FRS2: variants seen among roughly 807,000 people sequenced by gnomAD.
FRS2 encodes the protein fibroblast growth factor receptor substrate 2.
In FRS2, 8 loss-of-function variants were observed where a neutral mutation model predicts 43.9. The observed-to-expected ratio is 0.18, with a 90% CI of 0.11 to 0.33. FRS2 has a LOEUF of 0.33. Among genes scored for constraint, FRS2 ranks in the 10% least tolerant of loss-of-function variants. FRS2 has a pLI of 1.00. For synonymous variants in FRS2, 219 were observed against 220.3 expected (o/e 0.99, Z 0.05); for missense variants, 534 against 627.6 (o/e 0.85, Z 1.59).
intron 3 of FRS2, among the ~76,000 whole-genome samples, chr12:69,533,602 G>T (rs1444204444): frequency 6.6e-6 from 1 of 152,112 alleles, no homozygotes. Context: ...GCCTGCCTTG[G>T]CCTCCCAAAG....
intron 1 of FRS2, among the ~76,000 whole-genome samples, chr12:69,474,170 G>A (rs1173983324): frequency 6.6e-6 from 1 of 152,176 alleles, no homozygotes; most frequent in Non-Finnish European, 1.5e-5. Context: ...TGTCGGAGAT[G>A]TTGACGGTGG....
At position 69,574,378 on chromosome 12, in the gene FRS2, C is replaced by T; in HGVS notation, c.950C>T (p.Ala317Val). Residue 317 changes from alanine to valine, a missense_variant, in exon 9 of 9, where the codon GCC (alanine) becomes GTC (valine). By Grantham distance (64) the Ala-to-Val change is moderately conservative. Around this residue, in one of 3 missense-constraint regions of FRS2, gnomAD observed 446 missense variants for 494.2 expected, o/e 0.90. Transcript: ENST00000549921. The part of the protein sequence containing the change: ...ENINGLSIPS[A>V]SGVRRGRLTS... ...ATAAATGGGCTATCTATCCCTAGTG[C>T]CTCAGGGGTCAGGAGAGGTCGTCTG... 1 of 1,613,728 alleles carries T rather than the reference C, an allele frequency of 6.2e-7. No individual in the cohort carries two copies. Among genetic ancestry groups the T allele is most frequent in the Non-Finnish European group, 8.5e-7 (1 of 1,179,624 alleles).
intron 3 of FRS2, among the ~76,000 whole-genome samples, chr12:69,533,641 G>A (rs1055938779): frequency 8.5e-5 from 13 of 152,128 alleles, no homozygotes; most frequent in East Asian, 3.9e-4. Context: ...GAGCCACCAC[G>A]CCTGGCCATA....
intron 1 of FRS2, among the ~76,000 whole-genome samples, chr12:69,478,722 TTATG>T (rs1409236188): frequency 2.6e-4 from 26 of 99,908 alleles, no homozygotes; most frequent in South Asian, 4.2e-4. Flanking sequence ...ACATACATCA[TTATG>T]TGTGTGTGTG....
At chr12:69,565,992 A>G (rs1443948835) in intron 4 of FRS2, among the ~76,000 whole-genome samples, 1 of 145,912 alleles carries the variant, frequency 6.9e-6, no homozygotes, top group African/African-American at 2.6e-5. Flanking sequence ...GTTTTTTTTT[A>G]TACCAGCATT....
chr12:69,552,598 G>A (rs78087795), intron 3 of FRS2, among the ~76,000 whole-genome samples: 3,680 of 152,182 alleles, frequency 0.024, 152 homozygotes, highest in African/African-American at 0.083. Flanking sequence ...AGTTCATTAA[G>A]TTAATCCTAG....
chr12:69,570,538 C>G (rs750626746), intron 6 of FRS2, 21 bp downstream of exon 6: 3 of 1,436,584 alleles, frequency 2.1e-6, no homozygotes, highest in Non-Finnish European at 2.9e-6. Flanking sequence ...TGTTTTTTTT[C>G]CCAAATATTG....
At chr12:69,487,106 G>T (rs558082046) in intron 1 of FRS2, among the ~76,000 whole-genome samples, 12 of 152,308 alleles carry the variant, frequency 7.9e-5, no homozygotes, top group Admixed American at 7.2e-4. Context: ...CAAACTCCTG[G>T]CCTCGCCTCC....
chr12:69,569,757 C>T (rs1220770149), intron 5 of FRS2, among the ~76,000 whole-genome samples: 1 of 152,222 alleles, frequency 6.6e-6, no homozygotes, highest in Non-Finnish European at 1.5e-5. Flanking sequence ...TCTTTTCCTA[C>T]TCCCAGGGGA....
At chr12:69,484,323 A>G (rs1286207691) in intron 1 of FRS2, among the ~76,000 whole-genome samples, 3 of 152,044 alleles carry the variant, frequency 2.0e-5, no homozygotes, top group Admixed American at 6.5e-5. Context: ...TGACCTTGTG[A>G]TCTGCCCGCT....
At position 69,538,197 on chromosome 12, in the gene FRS2, T is replaced by TTATATATATATA. The variant is rs151295024; in HGVS notation, c.-122+6156_-122+6167dup. On this transcript the variant is annotated intron_variant, in intron 3 of 8. Transcript: ENST00000549921. ...AATAATAAAATTAAAAAAACAAATT[T>TTATATATATATA]TATATATATATATATATATATATAT... 7.8e-3 allele frequency among the ~76,000 whole-genome samples: 636 copies of TTATATATATATA among 81,448 alleles called. 19 individuals carry two copies. The highest frequency in any genetic ancestry group is 0.015 in the African/African-American group (265 of 18,106). The allele number at this position is 81,448 out of a possible 152,430, so 53.4% of individuals were successfully genotyped here.
At chr12:69,505,001 TTTGTA>T (rs1023781918) in intron 1 of FRS2, among the ~76,000 whole-genome samples, 1 of 152,058 alleles carries the variant, frequency 6.6e-6, no homozygotes, top group Admixed American at 6.5e-5. Flanking sequence ...GCTGGGCTAA[TTTGTA>T]TTGTATTGTA....
rs1043111926 is a variant in FRS2, at chr12:69,575,279, A to G, written c.*324A>G. 1.2e-5 allele frequency: 3 copies of G among 255,110 alleles called. No individual in the cohort carries two copies. Among genetic ancestry groups the G allele is most frequent in the Non-Finnish European group, 2.2e-5 (3 of 134,074 alleles). The allele number at this position is 255,110 out of a possible 1,614,324, so 15.8% of individuals were successfully genotyped here. A position where few individuals can be genotyped will look rare whatever the true frequency, so the allele number is the denominator to read the frequency against. ...AACGCATACCTTTCATGTCTAAGTC[A>G]TGGTTGGCTTTTAAAACTTTTTATA... On this transcript the variant is annotated 3_prime_UTR_variant, in exon 9 of 9. Transcript: ENST00000549921.
At chr12:69,497,594 T>TTAACATAAAATTTTAGGGGGAGG (rs1873024025) in intron 1 of FRS2, among the ~76,000 whole-genome samples, 1 of 152,198 alleles carries the variant, frequency 6.6e-6, no homozygotes, top group Non-Finnish European at 1.5e-5. Context: ...GTACTAGGTT[T>TTAACATAAAATTTTAGGGGGAGG]TAACATAAAA....
intron 1 of FRS2, among the ~76,000 whole-genome samples, chr12:69,521,831 G>A (rs1200355107): frequency 2.6e-5 from 4 of 152,096 alleles, no homozygotes. Context: ...AGCCAGGATG[G>A]TCTCGATCTC....
rs1881259566 is a variant in FRS2, at chr12:69,577,341, T to C, written c.*2386T>C. 1 of 152,190 alleles carries C rather than the reference T, an allele frequency of 6.6e-6. No homozygotes were observed. The highest frequency in any genetic ancestry group is 1.5e-5 in the Non-Finnish European group (1 of 68,016). 9.4% of individuals were successfully genotyped at this position (152,190 alleles called of 1,614,324 possible). ...TTTCTAGAAATCACTTGTGTTCCTA[T>C]TTAATAAAAGGTAATTTAGAATACT... On this transcript the variant is annotated 3_prime_UTR_variant, in exon 9 of 9. Coordinates refer to ENST00000549921, the MANE Select transcript of FRS2 (RefSeq NM_001278356.2).
intron 3 of FRS2, among the ~76,000 whole-genome samples, chr12:69,559,120 G>A (rs989404575): frequency 2.0e-5 from 3 of 152,152 alleles, no homozygotes; most frequent in Non-Finnish European, 2.9e-5. Flanking sequence ...AGACCAGCCC[G>A]GGCAACATAG....
At chr12:69,564,936 C>G (rs1880163384) in intron 4 of FRS2, among the ~76,000 whole-genome samples, 1 of 152,172 alleles carries the variant, frequency 6.6e-6, no homozygotes, top group African/African-American at 2.4e-5. Context: ...CTCAAACATT[C>G]AGTGTGGATA....
At position 69,577,424 on chromosome 12, in the gene FRS2, C is replaced by G. The variant is rs1006526101; in HGVS notation, c.*2469C>G. 1 of 152,048 alleles carries G rather than the reference C, an allele frequency of 6.6e-6. No homozygotes were observed. Among genetic ancestry groups the G allele is most frequent in the African/African-American group, 2.4e-5 (1 of 41,400 alleles). The allele number at this position is 152,048 out of a possible 1,614,324, so 9.4% of individuals were successfully genotyped here. On this transcript the variant is annotated 3_prime_UTR_variant, in exon 9 of 9. Transcript: ENST00000549921. ...TTAAGCTGTGTCCTCGAAGGATGTA[C>G]CTATTACTAGGTGCATTTTAGAATG...
Sources: gnomAD v4.1 joint callset for allele counts (sites outside exome capture counted in the v4.1 genomes callset) on GRCh38, gnomAD v4.1.1 for gene constraint, gnomAD v4.1.1 regional missense constraint, MANE v1.5 for transcripts, NCBI Gene and HGNC (gene_info 2026-07-23, HGNC 2026-07-21) for gene names.